Variants in PEX26 observed in about 807,000 individuals in gnomAD.
The protein encoded by PEX26 is peroxisomal biogenesis factor 26, also known as peroxisome assembly protein 26.
A neutral mutation model predicts 31.4 loss-of-function variants in PEX26; 18 were observed. That is an observed-to-expected ratio of 0.57 (90% confidence interval 0.40 to 0.85). The LOEUF (loss-of-function observed/expected upper bound fraction) is 0.85, where lower values mean the gene tolerates loss of function less well. PEX26 is among the 40% of genes least tolerant of loss of function. The pLI is 0.00. For missense variants in PEX26, 377 were observed against 383.9 expected (o/e 0.98, Z 0.15); for synonymous variants, 176 against 166.9 (o/e 1.05, Z -0.42).
At chr22:18,086,347 C>T (rs1224500439) in intron 4 of PEX26, among the ~76,000 whole-genome samples, 1 of 152,086 alleles carries the variant, frequency 6.6e-6, no homozygotes, top group African/African-American at 2.4e-5. Context: ...TAAAGAAGGG[C>T]ATAGAAATCT....
rs1926989172 is a variant in PEX26 at position 18,089,514 on chromosome 22, G to C, written c.*1439G>C. The C allele has an allele frequency of 1.3e-5, 2 of 152,384 alleles. No individual in the cohort carries two copies. The highest frequency in any genetic ancestry group is 4.8e-5 in the African/African-American group (2 of 41,464). The allele number at this position is 152,384 out of a possible 1,614,324, so 9.4% of individuals were successfully genotyped here. ...GAGTTTCTGTGCAAGGAAGCGTAGA[G>C]CACTGCTGTGCTGTCAGGATGAAGA... is the stretch of plus-strand genomic sequence containing the variant. On this transcript the variant is annotated 3_prime_UTR_variant, in exon 5 of 5. Coordinates refer to ENST00000399744, the MANE Select transcript of PEX26 (RefSeq NM_001127649.3).
chr22:18,097,449 G>C lies in PEX26; in HGVS notation c.*9374G>C, dbSNP rs1392253483. 6.6e-6 allele frequency: 1 copy of C among 151,874 alleles called. No individual in the cohort carries two copies. The highest frequency in any genetic ancestry group is 1.5e-5 in the Non-Finnish European group (1 of 67,978). 9.4% of individuals were successfully genotyped at this position (151,874 alleles called of 1,614,324 possible). A position where few individuals can be genotyped will look rare whatever the true frequency, so the allele number is the denominator to read the frequency against. ...CGGCTAATTTTTTGTATTTTTAGTAGAGACGGGGTCTCACCGTGTTAGCCA... is the reference window on the plus strand; with the variant it reads ...CGGCTAATTTTTTGTATTTTTAGTACAGACGGGGTCTCACCGTGTTAGCCA... On this transcript the variant is annotated 3_prime_UTR_variant, in exon 5 of 5. Transcript: ENST00000399744.
intron 2 of PEX26, 69 bp from the exon 3 acceptor site, chr22:18,083,368 A>G (rs1926697431): frequency 6.7e-7 from 1 of 1,499,424 alleles, no homozygotes; most frequent in Non-Finnish European, 9.3e-7. Flanking sequence ...CATAGTGGTC[A>G]TGGGAAATGA....
At position 18,094,511 on chromosome 22, in the gene PEX26, C is replaced by T. The variant is rs1037059587; in HGVS notation, c.*6436C>T. ...GCCACGGCACCTGGAGAGAAAAAAG[C>T]TTCTTTAATGACGACCTCAACATAA... On this transcript the variant is annotated 3_prime_UTR_variant, in exon 5 of 5. Coordinates refer to ENST00000399744, the MANE Select transcript of PEX26 (RefSeq NM_001127649.3). 2 of 152,228 alleles carry T rather than the reference C, an allele frequency of 1.3e-5. No homozygotes were observed. Among genetic ancestry groups the T allele is most frequent in the Non-Finnish European group, 2.9e-5 (2 of 68,068 alleles). 9.4% of individuals were successfully genotyped at this position (152,228 alleles called of 1,614,324 possible).
rs1926978096 is a variant in PEX26 at position 18,089,244 on chromosome 22, G to A, written c.*1169G>A. 1 of 152,700 alleles carries A rather than the reference G, an allele frequency of 6.5e-6. No individual in the cohort carries two copies. Among genetic ancestry groups the A allele is most frequent in the African/African-American group, 2.4e-5 (1 of 41,408 alleles). The allele number at this position is 152,700 out of a possible 1,614,324, so 9.5% of individuals were successfully genotyped here. On this transcript the variant is annotated 3_prime_UTR_variant, in exon 5 of 5. Transcript: ENST00000399744. ...TTGTCCTAGTTATGTTCTGTTGTTT[G>A]TGTAATGCCCAAATTTTTCTGCTCG...
chr22:18,081,258 A>ACACACC (rs1926586351), intron 2 of PEX26, among the ~76,000 whole-genome samples: 1 of 149,552 alleles, frequency 6.7e-6, no homozygotes, highest in Non-Finnish European at 1.5e-5. Context: ...ACACACACAC[A>ACACACC]CACACACACA....
Position 18,102,149 on chromosome 22 carries a change from A to C in PEX26, c.*14074A>C, listed in dbSNP as rs1372615124. On this transcript the variant is annotated 3_prime_UTR_variant, in exon 5 of 5. Coordinates refer to ENST00000399744, the MANE Select transcript of PEX26 (RefSeq NM_001127649.3). Reference sequence around the variant, plus strand: ...GATAGTGGGTTATTCCACACTGTTGACACACTGAATGTATGCTGGCAGAAG... The same window carrying C: ...GATAGTGGGTTATTCCACACTGTTGCCACACTGAATGTATGCTGGCAGAAG... 4 of 152,220 alleles carry C rather than the reference A, an allele frequency of 2.6e-5. No individual in the cohort carries two copies. 9.4% of individuals were successfully genotyped at this position (152,220 alleles called of 1,614,324 possible). A position where few individuals can be genotyped will look rare whatever the true frequency, so the allele number is the denominator to read the frequency against.
At chr22:18,084,701 C>T (rs2123656500) in intron 3 of PEX26, among the ~76,000 whole-genome samples, 1 of 152,078 alleles carries the variant, frequency 6.6e-6, no homozygotes, top group Non-Finnish European at 1.5e-5. Flanking sequence ...TTAGCCAATA[C>T]CTAATACCCT....
At chr22:18,079,197 C>T (rs1602456311) in intron 1 of PEX26, 2 of 984,826 alleles carry the variant, frequency 2.0e-6, no homozygotes, top group African/African-American at 1.7e-5. Context: ...GAAAAGAATC[C>T]GGAGAAAAAA....
At chr22:18,080,169 A>T (rs539816311) in intron 2 of PEX26, among the ~76,000 whole-genome samples, 155 bp downstream of exon 2, 1 of 152,250 alleles carries the variant, frequency 6.6e-6, no homozygotes, top group South Asian at 2.1e-4. Flanking sequence ...CATACATAGC[A>T]ATAAAGAATA....
chr22:18,104,652 G>A lies in PEX26; in HGVS notation c.*16577G>A, dbSNP rs1171009149. On this transcript the variant is annotated 3_prime_UTR_variant, in exon 5 of 5. Coordinates refer to ENST00000399744, the MANE Select transcript of PEX26 (RefSeq NM_001127649.3). ...TCCCAGCCTCAGTGTTCTCTGCACA[G>A]TCTGTCACTGACTCCCGCTCCCAGT... is the stretch of plus-strand genomic sequence containing the variant. 1 of 152,424 alleles carries A rather than the reference G, an allele frequency of 6.6e-6. No individual in the cohort carries two copies. Among genetic ancestry groups the A allele is most frequent in the Non-Finnish European group, 1.5e-5 (1 of 68,164 alleles). 9.4% of individuals were successfully genotyped at this position (152,424 alleles called of 1,614,324 possible). A position where few individuals can be genotyped will look rare whatever the true frequency, so the allele number is the denominator to read the frequency against.
In PEX26 at chr22:18,102,474, TC is replaced by T. The variant is rs1011560422; in HGVS notation, c.*14400del. On this transcript the variant is annotated 3_prime_UTR_variant, in exon 5 of 5. Transcript: ENST00000399744. ...GGTGGGATCTAGTGCCACAGCTTGTTCGGGGAAGCTGGCATAGAAGATGATT... is the reference window on the plus strand; with the variant it reads ...GGTGGGATCTAGTGCCACAGCTTGTTGGGGAAGCTGGCATAGAAGATGATT... 1.3e-5 allele frequency: 2 copies of T among 154,770 alleles called. No homozygotes were observed. The highest frequency in any genetic ancestry group is 2.9e-5 in the Non-Finnish European group (2 of 68,884). 9.6% of individuals were successfully genotyped at this position (154,770 alleles called of 1,614,324 possible). A position where few individuals can be genotyped will look rare whatever the true frequency, so the allele number is the denominator to read the frequency against.
chr22:18,087,763 C>G (rs970814357), intron 4 of PEX26, among the ~76,000 whole-genome samples: 6 of 152,144 alleles, frequency 3.9e-5, no homozygotes, highest in Non-Finnish European at 5.9e-5. Flanking sequence ...GGCTGAGGAT[C>G]GCATGAGCCC....
At position 18,078,574 on chromosome 22, in the gene PEX26, CA is replaced by C; in HGVS notation, c.200del (p.Asn67ThrfsTer15). 6.3e-7 allele frequency: 1 copy of C among 1,599,084 alleles called. No individual in the cohort carries two copies. On this transcript the variant is annotated frameshift_variant, in exon 1 of 5. Coordinates refer to ENST00000399744, the MANE Select transcript of PEX26 (RefSeq NM_001127649.3). LOFTEE classifies it high-confidence loss of function. ...TCERAWQSLA[N>X]HAVAEEPAGT... ...GCGAGCGGGCCTGGCAGAGTCTGGC[CA>C]ACCACGCCGTGGCAGAGGAACCCGC...
At position 18,101,759 on chromosome 22, in the gene PEX26, G is replaced by A; in HGVS notation, c.*13684G>A. 1 of 230,792 alleles carries A rather than the reference G, an allele frequency of 4.3e-6. No homozygotes were observed. Among genetic ancestry groups the A allele is most frequent in the Non-Finnish European group, 8.4e-6 (1 of 118,544 alleles). The allele number at this position is 230,792 out of a possible 1,614,324, so 14.3% of individuals were successfully genotyped here. ...ATGGCCTCATCCTGCATGTGGGCAAGTCAGCTCTCTGATGGATGGTGCAAT... is the reference window on the plus strand; with the variant it reads ...ATGGCCTCATCCTGCATGTGGGCAAATCAGCTCTCTGATGGATGGTGCAAT... On this transcript the variant is annotated 3_prime_UTR_variant, in exon 5 of 5. Coordinates refer to ENST00000399744, the MANE Select transcript of PEX26 (RefSeq NM_001127649.3).
At position 18,102,059 on chromosome 22, in the gene PEX26, G is replaced by C. The variant is rs1198929517; in HGVS notation, c.*13984G>C. Reference sequence around the variant, plus strand: ...ATTTCACAAGGAAAATCACTAAAATGTGCGTCTCTTCATTTAAAAGAAAAA... The same window carrying C: ...ATTTCACAAGGAAAATCACTAAAATCTGCGTCTCTTCATTTAAAAGAAAAA... On this transcript the variant is annotated 3_prime_UTR_variant, in exon 5 of 5. Coordinates refer to ENST00000399744, the MANE Select transcript of PEX26 (RefSeq NM_001127649.3). The C allele has an allele frequency of 6.6e-6, 1 of 152,254 alleles. No individual in the cohort carries two copies. Among genetic ancestry groups the C allele is most frequent in the Admixed American group, 6.5e-5 (1 of 15,276 alleles). The allele number at this position is 152,254 out of a possible 1,614,324, so 9.4% of individuals were successfully genotyped here.
Position 18,078,565 on chromosome 22 carries a change from G to A in PEX26, c.189G>A (p.Gln63=). The A allele has an allele frequency of 3.8e-6, 6 of 1,597,254 alleles. No homozygotes were observed. Among genetic ancestry groups the A allele is most frequent in the Non-Finnish European group, 5.1e-6 (6 of 1,174,458 alleles). Residue 63 remains glutamine, a synonymous_variant, in exon 1 of 5, where the codon CAG becomes CAA. Coordinates refer to ENST00000399744, the MANE Select transcript of PEX26 (RefSeq NM_001127649.3). ...AALETCERAW[Q]SLANHAVAEE... is the part of the protein sequence containing the mutation. ...TGGAGACCTGCGAGCGGGCCTGGCAGAGTCTGGCCAACCACGCCGTGGCAG... is the reference window on the plus strand; with the variant it reads ...TGGAGACCTGCGAGCGGGCCTGGCAAAGTCTGGCCAACCACGCCGTGGCAG...
intron 1 of PEX26, chr22:18,078,990 G>A (rs1051912949): frequency 3.4e-5 from 13 of 382,720 alleles, no homozygotes; most frequent in Non-Finnish European, 6.0e-5. Context: ...GATGGGGAAT[G>A]GGGGTCATGG....
chr22:18,085,623 C>CA (rs1926811188), intron 4 of PEX26, among the ~76,000 whole-genome samples: 2 of 152,206 alleles, frequency 1.3e-5, no homozygotes, highest in South Asian at 4.1e-4. Context: ...GTAATCCCAG[C>CA]ACTTTGGGAG....
Sources: allele counts gnomAD v4.1 joint callset (sites outside exome capture counted in the v4.1 genomes callset), GRCh38; gene constraint gnomAD v4.1.1; transcripts MANE v1.5; gene names NCBI Gene and HGNC (gene_info 2026-07-23, HGNC 2026-07-21).